The following MACROD2 variants were observed in gnomAD, a reference collection of about 807,000 sequenced individuals.
MACROD2 encodes ADP-ribose glycohydrolase MACROD2.
A neutral mutation model predicts 70.4 loss-of-function variants in MACROD2; 36 were observed. The observed-to-expected ratio is 0.51, with a 90% confidence interval of 0.39 to 0.68. MACROD2 has a LOEUF of 0.68. MACROD2 is among the 30% of genes least tolerant of loss of function. The pLI is 0.00. For synonymous variants in MACROD2, 172 were observed against 178.8 expected (o/e 0.96, Z 0.30); for missense variants, 496 against 538.4 (o/e 0.92, Z 0.78).
At chr20:14,258,341 G>C (rs572137112) in intron 3 of MACROD2, among the ~76,000 whole-genome samples, 4 of 151,976 alleles carry the variant, frequency 2.6e-5, no homozygotes, top group African/African-American at 9.7e-5. Context: ...ATTCCCACCA[G>C]TAGTGTAAAA....
At chr20:14,820,249 G>A (rs530998546) in intron 5 of MACROD2, among the ~76,000 whole-genome samples, 13 of 151,980 alleles carry the variant, frequency 8.6e-5, no homozygotes, top group Admixed American at 2.6e-4. Context: ...TCTATCTGCC[G>A]GCCAAAGATC....
chr20:14,990,764 G>A (rs1373806828), intron 5 of MACROD2, among the ~76,000 whole-genome samples: 6 of 151,858 alleles, frequency 4.0e-5, no homozygotes, highest in East Asian at 1.9e-4. Flanking sequence ...TGCCCACCTC[G>A]GCCTCCCAAA....
chr20:15,650,972 C>G (rs1424654037), intron 8 of MACROD2, among the ~76,000 whole-genome samples: 2 of 152,186 alleles, frequency 1.3e-5, no homozygotes, highest in African/African-American at 4.8e-5. Context: ...GGCATAATCT[C>G]TTCTCTTAGA....
chr20:15,274,805 T>G (rs1281396541), intron 6 of MACROD2, among the ~76,000 whole-genome samples: 9 of 152,158 alleles, frequency 5.9e-5, no homozygotes, highest in Non-Finnish European at 1.2e-4. Context: ...TGGCACATTG[T>G]GATAATTGAA....
At chr20:15,666,057 G>A (rs908806071) in intron 8 of MACROD2, among the ~76,000 whole-genome samples, 1 of 152,000 alleles carries the variant, frequency 6.6e-6, no homozygotes, top group Admixed American at 6.5e-5. Context: ...GAGTAGCCTT[G>A]TAATTAACAA....
At chr20:14,788,763 GTTTTT>G (rs1195877119) in intron 5 of MACROD2, among the ~76,000 whole-genome samples, 15 of 79,480 alleles carry the variant, frequency 1.9e-4, no homozygotes, top group Admixed American at 5.3e-4. Context: ...TAGTGGTGGT[GTTTTT>G]TTTTTTTTTT....
chr20:14,772,762 A>G (rs1032362186), intron 5 of MACROD2, among the ~76,000 whole-genome samples: 10 of 152,122 alleles, frequency 6.6e-5, no homozygotes, highest in Admixed American at 2.6e-4. Flanking sequence ...CTATTTTTCA[A>G]GAATAAAAAG....
chr20:14,533,765 A>G (rs867352162), intron 4 of MACROD2, among the ~76,000 whole-genome samples: 8 of 152,328 alleles, frequency 5.3e-5, no homozygotes, highest in Non-Finnish European at 7.3e-5. Flanking sequence ...AAATATTTTC[A>G]TTGGAATCAC....
At chr20:15,358,065 C>T (rs542572533) in intron 6 of MACROD2, among the ~76,000 whole-genome samples, 2 of 152,266 alleles carry the variant, frequency 1.3e-5, no homozygotes, top group African/African-American at 2.4e-5. Context: ...GCTTTGGCCT[C>T]CCAAAGTGCT....
At chr20:15,301,591 C>CTTTTTTTTTTTTTTTGT (rs2077643358) in intron 6 of MACROD2, among the ~76,000 whole-genome samples, 1 of 81,250 alleles carries the variant, frequency 1.2e-5, no homozygotes, top group Non-Finnish European at 2.4e-5. Context: ...GGTAGGTGGC[C>CTTTTTTTTTTTTTTTGT]TTTTTTTTTT....
intron 2 of MACROD2, among the ~76,000 whole-genome samples, chr20:14,085,215 A>AAG (rs2054062570): frequency 6.6e-6 from 1 of 151,062 alleles, no homozygotes. Flanking sequence ...TTTTTGCTCA[A>AAG]ATATATATAT....
At chr20:15,543,614 A>T (rs1298977185) in intron 8 of MACROD2, among the ~76,000 whole-genome samples, 1 of 151,716 alleles carries the variant, frequency 6.6e-6, no homozygotes, top group South Asian at 2.1e-4. Context: ...AAAAAAAAAA[A>T]TCTTAGTTTT....
intron 8 of MACROD2, among the ~76,000 whole-genome samples, chr20:15,752,293 T>TTTATTATTA (rs142009114): frequency 6.6e-6 from 1 of 151,184 alleles, no homozygotes; most frequent in East Asian, 1.9e-4. Flanking sequence ...AACTGCAACC[T>TTTATTATTA]TTATTATTAT....
chr20:15,519,995 CTT>C (rs1459716757), intron 8 of MACROD2, among the ~76,000 whole-genome samples: 1 of 152,192 alleles, frequency 6.6e-6, no homozygotes, highest in Non-Finnish European at 1.5e-5. Flanking sequence ...AGAGGAGTCT[CTT>C]CTGTTGGAGT....
At chr20:15,599,715 T>C (rs1038170966) in intron 8 of MACROD2, among the ~76,000 whole-genome samples, 1 of 152,154 alleles carries the variant, frequency 6.6e-6, no homozygotes, top group East Asian at 1.9e-4. Context: ...ATATTTTAAA[T>C]TTTTTGCTGT....
intron 1 of MACROD2, among the ~76,000 whole-genome samples, chr20:13,998,909 C>T (rs928263133): frequency 3.3e-5 from 5 of 149,636 alleles, no homozygotes; most frequent in African/African-American, 7.4e-5. Flanking sequence ...GAGCTAAGAT[C>T]GCGCCACTGC....
At chr20:14,132,993 A>C (rs1044216195) in intron 3 of MACROD2, among the ~76,000 whole-genome samples, 1 of 151,938 alleles carries the variant, frequency 6.6e-6, no homozygotes, top group Non-Finnish European at 1.5e-5. Context: ...CCAGAGAAAC[A>C]TAACATATGT....
intron 8 of MACROD2, among the ~76,000 whole-genome samples, chr20:15,541,675 A>C (rs1288036888): frequency 6.6e-6 from 1 of 152,198 alleles, no homozygotes; most frequent in African/African-American, 2.4e-5. Context: ...TCTGTTTCTA[A>C]TGAAAACATT....
intron 5 of MACROD2, among the ~76,000 whole-genome samples, chr20:15,134,139 C>A (rs1367753738): frequency 4.8e-5 from 2 of 42,026 alleles, no homozygotes; most frequent in African/African-American, 2.1e-4. Context: ...ATCTCCTGAC[C>A]TCGTGATCCT....
Sources: gnomAD v4.1 joint callset for allele counts (sites outside exome capture counted in the v4.1 genomes callset) on GRCh38, gnomAD v4.1.1 for gene constraint, MANE v1.5 for transcripts, NCBI Gene and HGNC (gene_info 2026-07-23, HGNC 2026-07-21) for gene names.